ADAM7: variants seen among roughly 807,000 people sequenced by gnomAD.
The protein encoded by ADAM7 is disintegrin and metalloproteinase domain-containing protein 7.
Under a neutral mutation model 102.9 loss-of-function variants are expected in ADAM7, and 97 were observed. That is an observed-to-expected ratio of 0.94 (90% CI 0.80 to 1.12). The LOEUF (loss-of-function observed/expected upper bound fraction) is 1.12. Among genes scored for constraint, ADAM7 ranks in the 50% most tolerant of loss-of-function variants. The probability of loss-of-function intolerance (pLI) is 0.00; values close to 1 mark genes in which losing one functional copy is unlikely to be tolerated. For synonymous variants in ADAM7, 334 were observed against 304.4 expected (o/e 1.10, Z -1.01); for missense variants, 991 against 908.7 (o/e 1.09, Z -1.16).
At chr8:24,452,144 G>T (rs1296465884) in intron 3 of ADAM7, among the ~76,000 whole-genome samples, 1 of 151,574 alleles carries the variant, frequency 6.6e-6, no homozygotes, top group African/African-American at 2.4e-5. Flanking sequence ...GGGGTGGAGA[G>T]TTCTGTAGAT....
At position 24,463,869 on chromosome 8, in the gene ADAM7, C is replaced by T. The variant is rs779522382; in HGVS notation, c.234-13C>T. 5 of 1,608,456 alleles carry T rather than the reference C, an allele frequency of 3.1e-6. No homozygotes were observed. The South Asian group carries it at 4.4e-5, about 14-fold the overall frequency. The stretch of plus-strand genomic sequence containing the variant: ...ACGAACAAATCTCACCACCTGTCTG[C>T]CCTCTTTTTCAGGGAGTTCCTAGGC... On this transcript the variant is annotated splice_polypyrimidine_tract_variant and intron_variant, in intron 3 of 21. Coordinates refer to ENST00000175238, the MANE Select transcript of ADAM7 (RefSeq NM_003817.4).
chr8:24,445,563 G>C (rs10091160), intron 2 of ADAM7, among the ~76,000 whole-genome samples: 109,188 of 152,066 alleles, frequency 0.72, 39,974 homozygotes, highest in African/African-American at 0.8. Flanking sequence ...GTTATCTACT[G>C]CTTACTCCTC....
In ADAM7 at chr8:24,509,037, C is replaced by T. The variant is rs1424855370; in HGVS notation, c.*491C>T. 4 of 988,102 alleles carry T rather than the reference C, an allele frequency of 4.0e-6. No homozygotes were observed. The highest frequency in any genetic ancestry group is 6.1e-5 in the Admixed American group (1 of 16,526). The allele number at this position is 988,102 out of a possible 1,614,324, so 61.2% of individuals were successfully genotyped here. On this transcript the variant is annotated 3_prime_UTR_variant, in exon 22 of 22. Coordinates refer to ENST00000175238, the MANE Select transcript of ADAM7 (RefSeq NM_003817.4). The stretch of plus-strand genomic sequence containing the variant: ...AAATGCCAAAGAAGGCAGGGCAGAG[C>T]GGCACGGATTCTAGGTAATTAAAAG...
In ADAM7 at chr8:24,476,387, C is replaced by A. The variant is rs6983897; in HGVS notation, c.634-46C>A. ...TGAAGTATTTTGTTGAGCTTTTATG[C>A]AACTCCTATTATTAATGAATATTAA... is the stretch of plus-strand genomic sequence containing the variant. On this transcript the variant is annotated intron_variant, in intron 7 of 21. Transcript: ENST00000175238. 5,582 of 1,385,524 alleles carry A rather than the reference C, an allele frequency of 4.0e-3. 200 individuals carry two copies. The African/African-American group carries it at 0.072, about 18-fold the overall frequency. The allele number at this position is 1,385,524 out of a possible 1,614,324, so 85.8% of individuals were successfully genotyped here.
intron 3 of ADAM7, among the ~76,000 whole-genome samples, chr8:24,453,320 T>A (rs563830213): frequency 1.4e-4 from 22 of 152,222 alleles, no homozygotes; most frequent in African/African-American, 4.3e-4. Flanking sequence ...TTTCACATAG[T>A]CCCATATTTC....
At chr8:24,445,781 C>T (rs1357872991) in intron 2 of ADAM7, among the ~76,000 whole-genome samples, 1 of 152,158 alleles carries the variant, frequency 6.6e-6, no homozygotes, top group African/African-American at 2.4e-5. Context: ...TTACTCCTTC[C>T]CACTTTGTCA....
intron 3 of ADAM7, among the ~76,000 whole-genome samples, chr8:24,459,397 A>G (rs1213042804): frequency 6.6e-6 from 1 of 151,888 alleles, no homozygotes; most frequent in African/African-American, 2.4e-5. Context: ...GGTTCTTCTT[A>G]TATGATCAAT....
In ADAM7 at chr8:24,493,028, C is replaced by A. The variant is rs766889387; in HGVS notation, c.1656-15C>A. The A allele has an allele frequency of 2.6e-6, 4 of 1,552,310 alleles. No homozygotes were observed. The highest frequency in any genetic ancestry group is 2.8e-5 in the African/African-American group (2 of 71,166). On this transcript the variant is annotated splice_polypyrimidine_tract_variant and intron_variant, in intron 15 of 21. Transcript: ENST00000175238. Reference sequence around the variant, plus strand: ...ATTTCTAGTTCCAAGTTTGAATATTCTGCCTTTCCTTCAGAGATGTCAGAT... The same window carrying A: ...ATTTCTAGTTCCAAGTTTGAATATTATGCCTTTCCTTCAGAGATGTCAGAT...
At chr8:24,484,802 C>CTTTTTTTT (rs544478529) in intron 9 of ADAM7, among the ~76,000 whole-genome samples, 4 of 91,952 alleles carry the variant, frequency 4.4e-5, no homozygotes, top group African/African-American at 9.0e-5. Flanking sequence ...ATTGCACTGG[C>CTTTTTTTT]TTTTTTTTTT....
intron 16 of ADAM7, among the ~76,000 whole-genome samples, chr8:24,496,908 G>T (rs1192270992): frequency 6.6e-6 from 1 of 152,188 alleles, no homozygotes; most frequent in Non-Finnish European, 1.5e-5. Context: ...TGTTGGGAAG[G>T]CATGATTGGT....
intron 7 of ADAM7, among the ~76,000 whole-genome samples, chr8:24,474,927 C>A (rs1421644705): frequency 6.6e-6 from 1 of 151,830 alleles, no homozygotes; most frequent in African/African-American, 2.4e-5. Flanking sequence ...AGCAAGAAAG[C>A]AAGAGAAGGA....
chr8:24,467,134 T>C (rs1282341181), intron 6 of ADAM7, 146 bp downstream of exon 6: 4 of 764,540 alleles, frequency 5.2e-6, no homozygotes, highest in Non-Finnish European at 6.2e-6. Flanking sequence ...ATTGGAAAAT[T>C]TTTTCTTGTC....
chr8:24,495,738 G>A (rs538943504), intron 16 of ADAM7, among the ~76,000 whole-genome samples: 1 of 152,128 alleles, frequency 6.6e-6, no homozygotes, highest in Non-Finnish European at 1.5e-5. Context: ...GATGATTTAG[G>A]GTATCTGGTG....
intron 16 of ADAM7, among the ~76,000 whole-genome samples, chr8:24,495,432 T>G (rs984229990): frequency 7.2e-5 from 11 of 151,958 alleles, no homozygotes; most frequent in African/African-American, 2.7e-4. Context: ...AATAACAAAC[T>G]TCCAGAAAAG....
chr8:24,447,109 TCA>T, intron 2 of ADAM7, 75 bp from the exon 3 acceptor site: 1 of 695,480 alleles, frequency 1.4e-6, no homozygotes, highest in Non-Finnish European at 2.3e-6. Context: ...TAGGGAACAT[TCA>T]CCCAAAGCAC....
At chr8:24,442,723 TA>T in intron 2 of ADAM7, 147 bp downstream of exon 2, 1 of 659,332 alleles carries the variant, frequency 1.5e-6, no homozygotes, top group Non-Finnish European at 2.7e-6. Context: ...TGCTTGGGAA[TA>T]AGCAACCCCT....
intron 8 of ADAM7, among the ~76,000 whole-genome samples, chr8:24,478,723 A>G (rs1218141785): frequency 1.3e-5 from 2 of 152,190 alleles, no homozygotes; most frequent in Non-Finnish European, 2.9e-5. Flanking sequence ...CATGTGGGTC[A>G]TCTACGAGTT....
intron 11 of ADAM7, among the ~76,000 whole-genome samples, chr8:24,488,918 T>C (rs1049321615): frequency 3.3e-5 from 5 of 152,146 alleles, no homozygotes; most frequent in Non-Finnish European, 7.4e-5. Context: ...AACCAGTCTG[T>C]AAGGTGGGCT....
intron 3 of ADAM7, among the ~76,000 whole-genome samples, chr8:24,452,005 G>T (rs1370365241): frequency 6.6e-6 from 1 of 152,172 alleles, no homozygotes; most frequent in Non-Finnish European, 1.5e-5. Flanking sequence ...TTGCACTGTG[G>T]TCTGAGAGAC....
Sources: allele counts gnomAD v4.1 joint callset (sites outside exome capture counted in the v4.1 genomes callset), GRCh38; gene constraint gnomAD v4.1.1; transcripts MANE v1.5; gene names NCBI Gene and HGNC (gene_info 2026-07-23, HGNC 2026-07-21).